ACACA: variants seen among roughly 807,000 people sequenced by gnomAD.
ACACA encodes the protein acetyl-CoA carboxylase alpha.
ACACA carries 103 observed loss-of-function variants against 296.1 expected under a neutral mutation model. The ratio of observed to expected loss-of-function variants is 0.35; its 90% CI spans 0.30 to 0.41. The LOEUF (loss-of-function observed/expected upper bound fraction) is 0.41. Among genes scored for constraint, ACACA ranks in the 10% least tolerant of loss-of-function variants. The pLI is 1.00. For missense variants in ACACA, 1,554 were observed against 2,989.7 expected, an observed-to-expected ratio of 0.52 and a Z score of 11.20; for synonymous variants, 953 against 1,038.6, an observed-to-expected ratio of 0.92 and a Z score of 1.58.
intron 41 of ACACA, among the ~76,000 whole-genome samples, chr17:37,169,055 T>C (rs2076791005): frequency 6.6e-6 from 1 of 152,174 alleles, no homozygotes; most frequent in African/African-American, 2.4e-5. Flanking sequence ...AAAAGGACGT[T>C]TGCACTGATA....
At chr17:37,140,808 C>T in intron 45 of ACACA, 1 of 203,312 alleles carries the variant, frequency 4.9e-6, no homozygotes, top group Admixed American at 5.6e-5. Context: ...GCAGTGCAGC[C>T]CCTGGCTGAG....
At chr17:37,136,388 T>C (rs8072064) in intron 45 of ACACA, among the ~76,000 whole-genome samples, 32,599 of 152,174 alleles carry the variant, frequency 0.21, 4,001 homozygotes, top group Admixed American at 0.34. Flanking sequence ...GTATCAGTAG[T>C]TTATTTTTAT....
intron 29 of ACACA, among the ~76,000 whole-genome samples, chr17:37,212,474 A>G (rs1235895604): frequency 6.6e-6 from 1 of 152,166 alleles, no homozygotes; most frequent in Admixed American, 6.6e-5. Context: ...TTTTAAAGGA[A>G]TGGTCCCAAA....
At chr17:37,192,395 T>C in intron 36 of ACACA, 90 bp from the exon 37 acceptor site, 1 of 1,218,854 alleles carries the variant, frequency 8.2e-7, no homozygotes, top group Non-Finnish European at 1.2e-6. Context: ...TGCCTGAAAA[T>C]AGAAACATAA....
chr17:37,226,061 C>T (rs958919305), intron 26 of ACACA, among the ~76,000 whole-genome samples: 1 of 152,142 alleles, frequency 6.6e-6, no homozygotes, highest in African/African-American at 2.4e-5. Context: ...CCACCTGACC[C>T]TGGTTTACTA....
intron 16 of ACACA, among the ~76,000 whole-genome samples, chr17:37,251,197 G>A (rs1376414152): frequency 6.6e-6 from 1 of 152,130 alleles, no homozygotes; most frequent in African/African-American, 2.4e-5. Flanking sequence ...AAATAAGACT[G>A]GATTGGTAAA....
At chr17:37,174,060 C>A in intron 41 of ACACA, among the ~76,000 whole-genome samples, 1 of 97,442 alleles carries the variant, frequency 1.0e-5, no homozygotes, top group African/African-American at 4.1e-5. Flanking sequence ...AGGGTTTTGC[C>A]ATGTTGGCCA....
At chr17:37,382,188 T>C (rs980560936) in intron 1 of ACACA, among the ~76,000 whole-genome samples, 1 of 152,136 alleles carries the variant, frequency 6.6e-6, no homozygotes, top group Non-Finnish European at 1.5e-5. Context: ...CAAAGGCTGA[T>C]AGTTACTGCT....
At chr17:37,233,188 G>A (rs1290736953) in intron 25 of ACACA, among the ~76,000 whole-genome samples, 1 of 152,170 alleles carries the variant, frequency 6.6e-6, no homozygotes, top group African/African-American at 2.4e-5. Flanking sequence ...TGAGTGACTG[G>A]ACTCTGAAGA....
chr17:37,390,576 G>C (rs367689145), intron 1 of ACACA, among the ~76,000 whole-genome samples: 1 of 149,314 alleles, frequency 6.7e-6, no homozygotes, highest in Non-Finnish European at 1.5e-5. Context: ...GTGGTGAGCC[G>C]AGATTGCGCC....
chr17:37,244,711 C>T lies in ACACA; in HGVS notation c.2619G>A (p.Leu873=), dbSNP rs756204117. The T allele has an allele frequency of 3.1e-6, 5 of 1,614,034 alleles. No individual in the cohort carries two copies. The Admixed American group carries it at 6.7e-5, about 22-fold the overall frequency. The change falls in exon 21 of 56, where the codon CTG becomes CTA. Residue 873 remains leucine (L), a synonymous_variant. Transcript: ENST00000616317. ...TGAGTGCCGTGCTCTGGATCCGTGG[C>T]AGACTACCTGTGTGAAGTTCAGCCT... The part of the protein sequence containing the change: ...VQQAELHTGS[L]PRIQSTALRG...
rs2083510081 is a variant in ACACA, at chr17:37,299,397, TTCC to T, written c.339-14430_339-14428del. ...TCGGCCTTGTAAACACAAGCCGCAG[TTCC>T]TCCTCCTGTTGCAGCTGCTTAAAAC... On this transcript the variant is annotated intron_variant, in intron 3 of 55. Coordinates refer to ENST00000616317, the MANE Select transcript of ACACA (RefSeq NM_198834.3). 5.6e-6 allele frequency: 9 copies of T among 1,612,684 alleles called. No individual in the cohort carries two copies. In the South Asian group the frequency reaches 9.9e-5, roughly 18 times the overall value.
rs1377966994 is a variant in ACACA at position 37,248,602 on chromosome 17, A to G, written c.2154T>C (p.Tyr718=). Residue 718 remains tyrosine, a synonymous_variant, in exon 17 of 56, where the codon TAT becomes TAC. Transcript: ENST00000616317. Reference sequence around the variant, plus strand: ...ATGGGGTTCTGCATACCTTAAGTACATACTTGACTCCCTCATAGATAAGTT... The same window carrying G: ...ATGGGGTTCTGCATACCTTAAGTACGTACTTGACTCCCTCATAGATAAGTT... ...DVELIYEGVK[Y]VLKVTRQSPN... 4 of 1,605,366 alleles carry G rather than the reference A, an allele frequency of 2.5e-6. No homozygotes were observed. The highest frequency in any genetic ancestry group is 1.7e-4 in the Middle Eastern group (1 of 6,048).
intron 25 of ACACA, 90 bp from the exon 26 acceptor site, chr17:37,226,542 A>C (rs1033107805): frequency 3.8e-5 from 42 of 1,115,250 alleles, no homozygotes; most frequent in Non-Finnish European, 4.1e-6. Flanking sequence ...AATGAAAACA[A>C]AGTAAACCCA....
chr17:37,317,023 G>A (rs778992334), intron 3 of ACACA, among the ~76,000 whole-genome samples: 2 of 150,590 alleles, frequency 1.3e-5, no homozygotes, highest in African/African-American at 2.4e-5. Flanking sequence ...GCAGTGAGCC[G>A]TGATCATGCC....
chr17:37,391,496 T>A, intron 1 of ACACA: 2 of 685,264 alleles, frequency 2.9e-6, no homozygotes, highest in South Asian at 3.4e-5. Context: ...TGATCATACT[T>A]TCTCAGTGTA....
chr17:37,315,718 G>T (rs921544590), intron 3 of ACACA, among the ~76,000 whole-genome samples: 2 of 152,168 alleles, frequency 1.3e-5, no homozygotes, highest in Admixed American at 6.5e-5. Flanking sequence ...CAAGGTATGG[G>T]GGAAGGGGCA....
chr17:37,287,262 A>G (rs1212433896), intron 3 of ACACA, among the ~76,000 whole-genome samples: 1 of 152,216 alleles, frequency 6.6e-6, no homozygotes, highest in African/African-American at 2.4e-5. Flanking sequence ...ATGCAGCACA[A>G]TATCTAGCTT....
In ACACA at chr17:37,200,939, G is replaced by A. The variant is rs148372097; in HGVS notation, c.4057-456C>T. On this transcript the variant is annotated intron_variant, in intron 33 of 55. Transcript: ENST00000616317. Reference sequence around the variant, plus strand: ...GTCCTAAACTGTTTAGATTGTAGATGTTACCTACCATCAGATACAGCATCC... The same window carrying A: ...GTCCTAAACTGTTTAGATTGTAGATATTACCTACCATCAGATACAGCATCC... Among the ~76,000 whole-genome samples the A allele has an allele frequency of 1.4e-4, 22 of 152,282 alleles. No homozygotes were observed. The East Asian group carries it at 4.2e-3, about 29-fold the overall frequency.
Sources: allele counts gnomAD v4.1 joint callset (sites outside exome capture counted in the v4.1 genomes callset), GRCh38; gene constraint gnomAD v4.1.1; transcripts MANE v1.5; gene names NCBI Gene and HGNC (gene_info 2026-07-23, HGNC 2026-07-21).